The following PRDM15 variants were observed in gnomAD, a reference collection of about 807,000 sequenced individuals.
The protein encoded by PRDM15 is PR domain zinc finger protein 15.
A neutral mutation model predicts 128.6 loss-of-function variants in PRDM15; 64 were observed. The ratio of observed to expected loss-of-function variants is 0.50; its 90% confidence interval spans 0.41 to 0.61. The LOEUF is 0.61. PRDM15 is among the 20% of genes least tolerant of loss of function. PRDM15 has a pLI of 0.00. For synonymous variants in PRDM15, 615 were observed against 621.8 expected (o/e 0.99, Z 0.16); for missense variants, 1,242 against 1,569.1 (o/e 0.79, Z 3.52).
At chr21:41,878,865 G>A in intron 1 of PRDM15, 1 of 959,332 alleles carries the variant, frequency 1.0e-6, no homozygotes, top group Non-Finnish European at 1.2e-6. Context: ...AAGACCCTGC[G>A]CCGCGCCCAC....
intron 18 of PRDM15, 123 bp from the exon 19 acceptor site, chr21:41,815,959 G>T (rs4075969): frequency 6.4e-6 from 8 of 1,243,390 alleles, no homozygotes; most frequent in Non-Finnish European, 8.9e-6. Context: ...GGTGTGGGCC[G>T]GCCCCCGAGG....
chr21:41,857,211 C>A lies in PRDM15; in HGVS notation c.250G>T (p.Ala84Ser). ...QFGPFESRRV[A>S]KWEKESAFPL... ...AATGCAGACTCCTTTTCCCATTTGG[C>A]GACCCTCCTGGACTCAAAGGGACCG... Residue 84 changes from alanine (A) to serine (S), a missense_variant, in exon 4 of 24, where the codon GCC becomes TCC. Transcript: ENST00000398548. 6.2e-7 allele frequency: 1 copy of A among 1,613,634 alleles called. No individual in the cohort carries two copies. Among genetic ancestry groups the A allele is most frequent in the Non-Finnish European group, 8.5e-7 (1 of 1,179,822 alleles).
intron 18 of PRDM15, 91 bp downstream of exon 18, chr21:41,819,491 C>G: frequency 8.2e-6 from 10 of 1,215,136 alleles, no homozygotes; most frequent in Middle Eastern, 2.1e-4. Context: ...ACCTTCCCCA[C>G]ACTCCCAGTT....
In PRDM15 at chr21:41,866,440, G is replaced by A. The variant is rs529585838; in HGVS notation, c.-9-6068C>T. ...CCCGTCCATGACAGGAGGTGGCCCC[G>A]GCCTGGGGTCTCTCTCCTTAGTGGC... On this transcript the variant is annotated intron_variant, in intron 1 of 23. Transcript: ENST00000398548. Among the ~76,000 whole-genome samples, 23 of 152,346 alleles carry A rather than the reference G, an allele frequency of 1.5e-4. No individual in the cohort carries two copies. The South Asian group carries it at 4.1e-3, about 27-fold the overall frequency.
intron 11 of PRDM15, among the ~76,000 whole-genome samples, chr21:41,834,317 G>T (rs11910698): frequency 1.3e-5 from 2 of 151,916 alleles, no homozygotes; most frequent in Admixed American, 6.5e-5. Flanking sequence ...CAGCAGCTAC[G>T]GCAAGGGAGC....
chr21:41,823,179 A>G, intron 14 of PRDM15, 139 bp downstream of exon 14: 1 of 1,135,002 alleles, frequency 8.8e-7, no homozygotes. Flanking sequence ...TTTGGGGTCT[A>G]GCCTCCAGAA....
intron 1 of PRDM15, chr21:41,871,659 A>C: frequency 6.3e-7 from 1 of 1,582,676 alleles, no homozygotes; most frequent in South Asian, 1.1e-5. Context: ...TAGACATGAG[A>C]AGCCCACTGT....
chr21:41,804,938 A>T (rs1328205098), intron 21 of PRDM15, among the ~76,000 whole-genome samples: 1 of 152,194 alleles, frequency 6.6e-6, no homozygotes, highest in African/African-American at 2.4e-5. Flanking sequence ...CGCTTCTGTT[A>T]TTTCCAAGGG....
chr21:41,836,085 A>C (rs763884539), intron 10 of PRDM15, 28 bp downstream of exon 10: 1 of 1,541,112 alleles, frequency 6.5e-7, no homozygotes, highest in East Asian at 2.3e-5. Flanking sequence ...ACAACTGGGA[A>C]GAGAACCCTG....
chr21:41,824,098 G>T (rs975203940), intron 13 of PRDM15, among the ~76,000 whole-genome samples: 2 of 152,214 alleles, frequency 1.3e-5, no homozygotes, highest in African/African-American at 4.8e-5. Context: ...GAACTCTGCG[G>T]GTCTCTATCT....
chr21:41,815,865 C>A (rs749885174), intron 18 of PRDM15, 29 bp from the exon 19 acceptor site: 2 of 1,608,258 alleles, frequency 1.2e-6, no homozygotes, highest in Admixed American at 3.3e-5. Flanking sequence ...TCAGAGGCGG[C>A]CACACCCCCA....
intron 18 of PRDM15, 99 bp downstream of exon 18, chr21:41,819,483 C>CT: frequency 1.7e-6 from 2 of 1,180,526 alleles, no homozygotes; most frequent in South Asian, 1.5e-5. Context: ...CCACACCCAC[C>CT]TTCCCCACAC....
At chr21:41,806,391 CCATCACCACCACCACCACCAT>C (rs1345215264) in intron 21 of PRDM15, among the ~76,000 whole-genome samples, 18 of 79,650 alleles carry the variant, frequency 2.3e-4, no homozygotes, top group Non-Finnish European at 3.3e-4. Flanking sequence ...ACCACCACCA[CCATCACCACCACCACCACCAT>C]CACCACCACC....
chr21:41,877,565 A>C (rs1386176624), intron 1 of PRDM15: 1 of 152,230 alleles, frequency 6.6e-6, no homozygotes, highest in Non-Finnish European at 1.5e-5. Context: ...CGGGTGGAAG[A>C]CACAGTTGCC....
chr21:41,825,027 C>T (rs28593717), intron 13 of PRDM15, among the ~76,000 whole-genome samples: 85,507 of 152,086 alleles, frequency 0.56, 24,615 homozygotes, highest in Admixed American at 0.65. Flanking sequence ...ACCCTCCCCT[C>T]GGCGGCTCCT....
chr21:41,829,013 CACAT>C (rs1242178636), intron 11 of PRDM15, among the ~76,000 whole-genome samples: 8 of 147,350 alleles, frequency 5.4e-5, no homozygotes, highest in African/African-American at 2.0e-4. Context: ...CCACACACAC[CACAT>C]ACACACTACA....
intron 22 of PRDM15, among the ~76,000 whole-genome samples, 156 bp downstream of exon 22, chr21:41,804,378 G>A (rs1223104086): frequency 6.6e-6 from 1 of 152,250 alleles, no homozygotes; most frequent in African/African-American, 2.4e-5. Context: ...TGATCTAAGA[G>A]GTTCTGAGGG....
At chr21:41,817,357 T>C (rs1267333145) in intron 18 of PRDM15, among the ~76,000 whole-genome samples, 1 of 152,194 alleles carries the variant, frequency 6.6e-6, no homozygotes, top group Non-Finnish European at 1.5e-5. Flanking sequence ...AGGCCCATGA[T>C]GTGATTCTGA....
intron 21 of PRDM15, chr21:41,804,831 A>C: frequency 4.5e-6 from 2 of 441,200 alleles, no homozygotes; most frequent in Non-Finnish European, 8.0e-6. Context: ...TGCTCCCACA[A>C]TGGTCTTGCC....
Sources: allele counts gnomAD v4.1 joint callset (sites outside exome capture counted in the v4.1 genomes callset), GRCh38; gene constraint gnomAD v4.1.1; transcripts MANE v1.5; gene names NCBI Gene and HGNC (gene_info 2026-07-23, HGNC 2026-07-21).